The following RNF111 variants were observed in gnomAD, a reference collection of about 807,000 sequenced individuals.
RNF111 encodes the protein E3 ubiquitin-protein ligase Arkadia.
Under a neutral mutation model 95.1 loss-of-function variants are expected in RNF111, and 17 were observed. The observed-to-expected ratio is 0.18, with a 90% CI of 0.12 to 0.27. The LOEUF (loss-of-function observed/expected upper bound fraction) is 0.27. RNF111 is among the 10% of genes least tolerant of loss of function. The pLI is 1.00. For missense variants in RNF111, 1,189 were observed against 1,210.4 expected (o/e 0.98, Z 0.26); for synonymous variants, 440 against 414.8 (o/e 1.06, Z -0.74).
intron 1 of RNF111, among the ~76,000 whole-genome samples, chr15:59,014,419 T>C (rs2039972130): frequency 6.6e-6 from 1 of 152,240 alleles, no homozygotes; most frequent in Admixed American, 6.5e-5. Flanking sequence ...AATTTGAATC[T>C]GGATATTTGG....
chr15:58,995,364 A>G (rs1445040319), intron 1 of RNF111, among the ~76,000 whole-genome samples: 1 of 152,144 alleles, frequency 6.6e-6, no homozygotes. Flanking sequence ...AGTGGGTTAA[A>G]TAACCCATTA....
At chr15:58,993,190 T>C (rs920206323) in intron 1 of RNF111, among the ~76,000 whole-genome samples, 1 of 151,240 alleles carries the variant, frequency 6.6e-6, no homozygotes, top group Non-Finnish European at 1.5e-5. Context: ...AAATGTTCAA[T>C]TGTAAATAAA....
intron 5 of RNF111, among the ~76,000 whole-genome samples, chr15:59,060,155 G>A (rs1467963228): frequency 6.6e-6 from 1 of 152,176 alleles, no homozygotes; most frequent in African/African-American, 2.4e-5. Flanking sequence ...CTACAGGTGT[G>A]AACCACTGTA....
At chr15:59,080,905 A>G in intron 7 of RNF111, 31 bp from the exon 8 acceptor site, 1 of 1,534,946 alleles carries the variant, frequency 6.5e-7, no homozygotes, top group South Asian at 1.2e-5. Context: ...CATGGTGCCT[A>G]TGTAACATAC....
chr15:59,028,747 G>A (rs1183498040), intron 1 of RNF111, among the ~76,000 whole-genome samples: 1 of 150,960 alleles, frequency 6.6e-6, no homozygotes. Flanking sequence ...ACCTAGGAGT[G>A]GAAATGCTAG....
intron 2 of RNF111, among the ~76,000 whole-genome samples, chr15:59,046,121 T>C (rs2041695990): frequency 6.6e-6 from 1 of 152,174 alleles, no homozygotes; most frequent in African/African-American, 2.4e-5. Flanking sequence ...TTAAAACGTT[T>C]CTGTAAATCA....
intron 1 of RNF111, among the ~76,000 whole-genome samples, chr15:58,997,874 G>A (rs1322275320): frequency 1.3e-5 from 2 of 151,478 alleles, no homozygotes; most frequent in African/African-American, 4.8e-5. Context: ...GAGCACATGT[G>A]TGTATGTGTT....
At chr15:58,992,745 G>A (rs369494531) in intron 1 of RNF111, among the ~76,000 whole-genome samples, 9 of 152,028 alleles carry the variant, frequency 5.9e-5, no homozygotes, top group Admixed American at 3.9e-4. Context: ...GCTTGAGCCC[G>A]GGAGGCAGAG....
At chr15:59,063,287 G>C (rs1477157242) in intron 5 of RNF111, among the ~76,000 whole-genome samples, 1 of 152,146 alleles carries the variant, frequency 6.6e-6, no homozygotes, top group East Asian at 1.9e-4. Context: ...TTAAAGGCCA[G>C]GACTTTCATT....
intron 2 of RNF111, among the ~76,000 whole-genome samples, chr15:59,042,845 T>C (rs1166894167): frequency 6.6e-6 from 1 of 152,202 alleles, no homozygotes; most frequent in Non-Finnish European, 1.5e-5. Flanking sequence ...TTCCTAGATA[T>C]TGTTGTTTGT....
chr15:59,087,304 G>A (rs1350404825), intron 10 of RNF111, among the ~76,000 whole-genome samples: 1 of 152,146 alleles, frequency 6.6e-6, no homozygotes, highest in African/African-American at 2.4e-5. Flanking sequence ...TTTGAACAAA[G>A]GATTCTGAGA....
chr15:59,074,814 T>G (rs2043099538), intron 6 of RNF111, among the ~76,000 whole-genome samples: 1 of 152,222 alleles, frequency 6.6e-6, no homozygotes, highest in Non-Finnish European at 1.5e-5. Flanking sequence ...TCTGGGCTTT[T>G]GACATGCCTT....
At position 59,089,749 on chromosome 15, in the gene RNF111, G is replaced by T. The variant is rs1317938042; in HGVS notation, c.2633G>T (p.Gly878Val). The T allele has an allele frequency of 1.9e-6, 3 of 1,606,666 alleles. No homozygotes were observed. The South Asian group carries it at 3.3e-5, about 18-fold the overall frequency. The part of the protein sequence containing the change: ...DGTSFRGPFR[G>V]NFEELIHLEE... ...ACATCATTCAGAGGTCCTTTCAGGGGCAATTTTGAGGTATGTAATAAAATA... is the reference window on the plus strand; with the variant it reads ...ACATCATTCAGAGGTCCTTTCAGGGTCAATTTTGAGGTATGTAATAAAATA... Residue 878 changes from glycine to valine, a missense_variant, in exon 11 of 14, where the codon GGC becomes GTC. By Grantham distance (109) the Gly-to-Val change is moderately radical (BLOSUM62 -3). Transcript: ENST00000348370.
At chr15:59,002,701 G>T (rs1351983505) in intron 1 of RNF111, among the ~76,000 whole-genome samples, 2 of 152,126 alleles carry the variant, frequency 1.3e-5, no homozygotes, top group African/African-American at 4.8e-5. Flanking sequence ...AAATAAAAAT[G>T]TGGCACACAG....
intron 1 of RNF111, among the ~76,000 whole-genome samples, chr15:58,995,407 A>C (rs2039019178): frequency 6.6e-6 from 1 of 150,820 alleles, no homozygotes; most frequent in African/African-American, 2.4e-5. Flanking sequence ...ATTGTCCCAG[A>C]TTTGTCCATT....
intron 6 of RNF111, among the ~76,000 whole-genome samples, chr15:59,069,013 G>T (rs1277225249): frequency 6.8e-6 from 1 of 147,564 alleles, no homozygotes; most frequent in East Asian, 2.0e-4. Flanking sequence ...GGCGGAGATT[G>T]CAGTGAGCTG....
chr15:59,012,516 G>T (rs1178231265), intron 1 of RNF111, among the ~76,000 whole-genome samples: 1 of 152,154 alleles, frequency 6.6e-6, no homozygotes, highest in Non-Finnish European at 1.5e-5. Flanking sequence ...GACTATTAAT[G>T]CATGATTGCT....
At chr15:59,023,112 G>A (rs1200041368) in intron 1 of RNF111, among the ~76,000 whole-genome samples, 2 of 152,158 alleles carry the variant, frequency 1.3e-5, no homozygotes, top group African/African-American at 4.8e-5. Context: ...ACTGGGCATG[G>A]TGGTGCGTGT....
chr15:59,058,614 GT>G, intron 5 of RNF111, 64 bp downstream of exon 5: 1 of 1,412,514 alleles, frequency 7.1e-7, no homozygotes, highest in African/African-American at 1.4e-5. Flanking sequence ...AAGTATTATT[GT>G]TTTTAAGTCT....
Sources: allele counts gnomAD v4.1 joint callset (sites outside exome capture counted in the v4.1 genomes callset), GRCh38; gene constraint gnomAD v4.1.1; transcripts MANE v1.5; gene names NCBI Gene and HGNC (gene_info 2026-07-23, HGNC 2026-07-21).